ANKS3: variants seen among roughly 807,000 people sequenced by gnomAD.
The protein encoded by ANKS3 is ankyrin repeat and SAM domain-containing protein 3.
ANKS3 carries 62 observed loss-of-function variants against 80.7 expected under a neutral mutation model. That is an observed-to-expected ratio of 0.77 (90% CI 0.63 to 0.95). The LOEUF (loss-of-function observed/expected upper bound fraction) is 0.95. Among genes scored for constraint, ANKS3 ranks in the 40% least tolerant of loss-of-function variants. The pLI is 0.00. For synonymous variants in ANKS3, 489 were observed against 355.3 expected, an observed-to-expected ratio of 1.38 and a Z score of -4.23; for missense variants, 1,150 against 883.6, an observed-to-expected ratio of 1.30 and a Z score of -3.82.
At chr16:4,705,710 T>A (rs975751466) in intron 7 of ANKS3, among the ~76,000 whole-genome samples, 5 of 152,166 alleles carry the variant, frequency 3.3e-5, no homozygotes, top group African/African-American at 9.7e-5. Context: ...TCTGCCTGCC[T>A]TGGCCTCCCA....
intron 7 of ANKS3, among the ~76,000 whole-genome samples, chr16:4,708,353 TACAG>T (rs1265301492): frequency 3.3e-5 from 5 of 151,860 alleles, no homozygotes; most frequent in Non-Finnish European, 7.4e-5. Flanking sequence ...AAATAAAAAT[TACAG>T]AATTTCTAAA....
rs776445393 is a variant in ANKS3, at chr16:4,697,412, G to A, written c.1815C>T (p.Ser605=). The A allele has an allele frequency of 1.9e-6, 3 of 1,604,086 alleles. No individual in the cohort carries two copies. The highest frequency in any genetic ancestry group is 3.4e-5 in the Admixed American group (2 of 59,260). ...CCTGCAGGGACGCTTGCCAGCCCTT[G>A]GAGTCTGTGGTGCAGGTGCAGGGAC... ...TLGLAVPPAD[S]KGWQASLQAM... The change falls in exon 16 of 18, where the codon TCC becomes TCT. Residue 605 remains serine (S), a synonymous_variant. Coordinates refer to ENST00000304283, the MANE Select transcript of ANKS3 (RefSeq NM_133450.4).
chr16:4,719,252 A>C (rs1269828167), intron 6 of ANKS3, among the ~76,000 whole-genome samples: 1 of 152,166 alleles, frequency 6.6e-6, no homozygotes, highest in Admixed American at 6.6e-5. Flanking sequence ...GGATCCCTTG[A>C]ACCTGGGAGG....
chr16:4,722,908 A>C (rs1319464530), intron 6 of ANKS3, among the ~76,000 whole-genome samples: 1 of 151,686 alleles, frequency 6.6e-6, no homozygotes, highest in Non-Finnish European at 1.5e-5. Context: ...CCTGGGCGAC[A>C]CAGCACAAGA....
Position 4,698,593 on chromosome 16 carries a change from C to G in ANKS3, c.1558G>C (p.Glu520Gln), listed in dbSNP as rs755623227. The change falls in exon 14 of 18, where the codon GAG becomes CAG. Residue 520 changes from glutamate (E) to glutamine (Q), a missense_variant. Transcript: ENST00000304283. ...TGGCCCCGCGTGGCCTCTACCTCCT[C>G]GCAGCGCTGCAGGGGGGTGGGGGGC... ...ELAIQLHKRCEEVEATRGQVC... is the reference protein window; with the variant it reads ...ELAIQLHKRCQEVEATRGQVC... The G allele has an allele frequency of 1.9e-6, 3 of 1,561,472 alleles. No homozygotes were observed. Among genetic ancestry groups the G allele is most frequent in the East Asian group, 4.5e-5 (2 of 44,298 alleles).
In ANKS3 at chr16:4,727,123, A is replaced by G. The variant is rs558341332; in HGVS notation, c.225T>C (p.Tyr75=). Residue 75 remains tyrosine, a synonymous_variant, in exon 4 of 18, where the codon TAT becomes TAC. Transcript: ENST00000304283. ...KNGGGWTPLM[Y]ASYIGHDTIV... is the part of the protein sequence containing the mutation. ...TTGTGTCGTGGCCAATGTAGGAGGC[A>G]TACATCAGCGGGGTCCAGCCACCAC... 4 of 1,614,206 alleles carry G rather than the reference A, an allele frequency of 2.5e-6. No homozygotes were observed. The South Asian group carries it at 3.3e-5, about 13-fold the overall frequency.
At chr16:4,714,775 C>A (rs929277521) in intron 6 of ANKS3, among the ~76,000 whole-genome samples, 3 of 151,172 alleles carry the variant, frequency 2.0e-5, no homozygotes, top group East Asian at 4.0e-4. Context: ...GGGCAGATCA[C>A]GAGGTCAGGA....
rs1386072290 is a variant in ANKS3, at chr16:4,733,921, A to G, written c.-71+17T>C. The G allele has an allele frequency of 1.0e-6, 1 of 985,446 alleles. No homozygotes were observed. The highest frequency in any genetic ancestry group is 1.2e-6 in the Non-Finnish European group (1 of 829,950). The allele number at this position is 985,446 out of a possible 1,614,324, so 61.0% of individuals were successfully genotyped here. A position where few individuals can be genotyped will look rare whatever the true frequency, so the allele number is the denominator to read the frequency against. On this transcript the variant is annotated intron_variant, in intron 1 of 17. Coordinates refer to ENST00000304283, the MANE Select transcript of ANKS3 (RefSeq NM_133450.4). ...TGGCCCCGGGGCGGGTCCCTGGCCG[A>G]CAAACCCGTAACTCACAGCAGTGAC...
At chr16:4,724,887 A>T in intron 5 of ANKS3, 56 bp from the exon 6 acceptor site, 1 of 1,535,706 alleles carries the variant, frequency 6.5e-7, no homozygotes, top group East Asian at 2.3e-5. Context: ...CGCCAGGCAA[A>T]AACTCCCTGC....
rs541889356 is a variant in ANKS3 at position 4,699,351 on chromosome 16, A to G, written c.1285-175T>C. 1.4e-4 allele frequency: 117 copies of G among 828,938 alleles called. No individual in the cohort carries two copies. The African/African-American group carries it at 1.8e-3, about 13-fold the overall frequency. The allele number at this position is 828,938 out of a possible 1,614,324, so 51.3% of individuals were successfully genotyped here. A position where few individuals can be genotyped will look rare whatever the true frequency, so the allele number is the denominator to read the frequency against. On this transcript the variant is annotated intron_variant, in intron 11 of 17. Coordinates refer to ENST00000304283, the MANE Select transcript of ANKS3 (RefSeq NM_133450.4). ...TGGCTCAGGCAGGGCAGGATGTTGCAGGCAGGTGAGTCCTCACACTATGGT... is the reference window on the plus strand; with the variant it reads ...TGGCTCAGGCAGGGCAGGATGTTGCGGGCAGGTGAGTCCTCACACTATGGT...
Position 4,727,133 on chromosome 16 carries a change from G to A in ANKS3, c.215C>T (p.Pro72Leu), listed in dbSNP as rs756863326. Residue 72 changes from proline to leucine, a missense_variant, in exon 4 of 18, where the codon CCG (proline) becomes CTG (leucine). Pro to Leu is a moderately conservative substitution (Grantham distance 98). Transcript: ENST00000304283. The part of the protein sequence containing the change: ...LNKKNGGGWT[P>L]LMYASYIGHD... ...GCCAATGTAGGAGGCATACATCAGC[G>A]GGGTCCAGCCACCACCATTCTTCTT... 3 of 1,614,058 alleles carry A rather than the reference G, an allele frequency of 1.9e-6. No homozygotes were observed. The highest frequency in any genetic ancestry group is 1.1e-5 in the South Asian group (1 of 91,084).
Position 4,701,467 on chromosome 16 carries a change from C to G in ANKS3, c.1086G>C (p.Gly362=), listed in dbSNP as rs2079899512. 1.2e-6 allele frequency: 2 copies of G among 1,610,242 alleles called. No individual in the cohort carries two copies. Among genetic ancestry groups the G allele is most frequent in the African/African-American group, 1.3e-5 (1 of 74,862 alleles). The change falls in exon 10 of 18, where the codon GGG becomes GGC. Residue 362 remains glycine (G), a synonymous_variant. Transcript: ENST00000304283. ...TCTCCACAGAAGCTTCGCTGCTGAG[C>G]CCCTGGGCTCTGGCCAGGCCCTCGC... is the stretch of plus-strand genomic sequence containing the variant. ...SSSEGLARAQ[G]LSSEASVESN...
At chr16:4,704,040 G>A (rs765852597) in intron 8 of ANKS3, among the ~76,000 whole-genome samples, 19 of 152,178 alleles carry the variant, frequency 1.2e-4, no homozygotes, top group Admixed American at 5.9e-4. Context: ...CGACCAGCCC[G>A]GTGTCCCAGA....
intron 1 of ANKS3, among the ~76,000 whole-genome samples, 186 bp downstream of exon 1, chr16:4,733,752 T>C (rs948255070): frequency 7.9e-5 from 12 of 152,194 alleles, no homozygotes; most frequent in African/African-American, 2.9e-4. Context: ...ATACACCTAC[T>C]ACGTACCCAC....
rs752639149 is a variant in ANKS3 at position 4,701,492 on chromosome 16, C to T, written c.1061G>A (p.Ser354Asn). 1.9e-6 allele frequency: 3 copies of T among 1,609,168 alleles called. No homozygotes were observed. Among genetic ancestry groups the T allele is most frequent in the African/African-American group, 2.7e-5 (2 of 74,848 alleles). The change falls in exon 10 of 18, where the codon AGC becomes AAC. Residue 354 changes from serine (S) to asparagine (N), a missense_variant. Coordinates refer to ENST00000304283, the MANE Select transcript of ANKS3 (RefSeq NM_133450.4). ...CCCCTGGGCTCTGGCCAGGCCCTCG[C>T]TGCTGCTGCTGCTCTGGACGGGCCC... is the stretch of plus-strand genomic sequence containing the variant. ...NLGPVQSSSS[S>N]EGLARAQGLS...
intron 15 of ANKS3, 27 bp downstream of exon 15, chr16:4,697,950 A>T: frequency 6.5e-7 from 1 of 1,535,084 alleles, no homozygotes; most frequent in Non-Finnish European, 8.8e-7. Flanking sequence ...CCCTCTGCCC[A>T]GTGCGGAGTC....
chr16:4,699,001 G>C, intron 12 of ANKS3, 51 bp downstream of exon 12: 1 of 1,614,084 alleles, frequency 6.2e-7, no homozygotes, highest in Non-Finnish European at 8.5e-7. Flanking sequence ...ACATGAGTGG[G>C]AGTTTGCCCC....
intron 14 of ANKS3, 92 bp from the exon 15 acceptor site, chr16:4,698,154 G>A: frequency 2.8e-6 from 4 of 1,406,608 alleles, no homozygotes; most frequent in Non-Finnish European, 3.9e-6. Flanking sequence ...GAGGGGCTCA[G>A]CCCTGTCCTT....
At position 4,729,813 on chromosome 16, in the gene ANKS3, TG is replaced by T; in HGVS notation, c.170+166del. The stretch of plus-strand genomic sequence containing the variant: ...TTCCTAGGAATAAAAACGGCCTCTT[TG>T]TCAGGGCTCAGCATCAATACTTACT... On this transcript the variant is annotated intron_variant, in intron 3 of 17. Coordinates refer to ENST00000304283, the MANE Select transcript of ANKS3 (RefSeq NM_133450.4). 4.6e-6 allele frequency: 3 copies of T among 647,508 alleles called. No homozygotes were observed. In the African/African-American group the frequency reaches 5.6e-5, roughly 12 times the overall value. 40.1% of individuals were successfully genotyped at this position (647,508 alleles called of 1,614,324 possible). A position where few individuals can be genotyped will look rare whatever the true frequency, so the allele number is the denominator to read the frequency against.
Sources: allele counts gnomAD v4.1 joint callset (sites outside exome capture counted in the v4.1 genomes callset), GRCh38; gene constraint gnomAD v4.1.1; transcripts MANE v1.5; gene names NCBI Gene and HGNC (gene_info 2026-07-23, HGNC 2026-07-21).